SLC36A1: variants seen among roughly 807,000 people sequenced by gnomAD.
SLC36A1 encodes the protein solute carrier family 36 member 1, also known as proton-coupled amino acid transporter 1.
In SLC36A1, 30 loss-of-function variants were observed where a neutral mutation model predicts 47.5. That is an observed-to-expected ratio of 0.63 (90% confidence interval 0.47 to 0.86). SLC36A1 has a LOEUF of 0.86. SLC36A1 is among the 40% of genes least tolerant of loss of function. The pLI is 0.00. For missense variants in SLC36A1, 517 were observed against 606.0 expected (o/e 0.85, Z 1.54); for synonymous variants, 255 against 249.7 (o/e 1.02, Z -0.20).
the SLC36A1 span, among the ~76,000 whole-genome samples, chr5:151,502,584 T>G: frequency 6.8e-6 from 1 of 147,360 alleles, no homozygotes; most frequent in South Asian, 2.1e-4. Flanking sequence ...AATGCAAAAT[T>G]AAGACAACAG....
the SLC36A1 span, among the ~76,000 whole-genome samples, chr5:151,403,722 G>T: frequency 6.6e-6 from 1 of 152,212 alleles, no homozygotes; most frequent in Non-Finnish European, 1.5e-5. Context: ...CCATGGAATT[G>T]TGTGATTTTG....
At chr5:151,405,081 C>CA in the SLC36A1 span, among the ~76,000 whole-genome samples, 3 of 152,130 alleles carry the variant, frequency 2.0e-5, no homozygotes, top group Non-Finnish European at 4.4e-5. Context: ...AGGCTTTGTT[C>CA]AGTTTTTAAA....
chr5:151,552,715 T>C, the SLC36A1 span, among the ~76,000 whole-genome samples: 1 of 152,326 alleles, frequency 6.6e-6, no homozygotes, highest in South Asian at 2.1e-4. Context: ...AGAGCCCGGA[T>C]CCAAGTGCCT....
chr5:151,356,602 T>G, the SLC36A1 span, among the ~76,000 whole-genome samples: 1 of 152,086 alleles, frequency 6.6e-6, no homozygotes, highest in Non-Finnish European at 1.5e-5. Context: ...CCTGAATTTT[T>G]GCAAGAGGAA....
chr5:151,488,194 T>TGA lies in SLC36A1; in HGVS notation c.1373_1374dup (p.Leu459SerfsTer2). On this transcript the variant is annotated frameshift_variant, in exon 11 of 11. Transcript: ENST00000243389. LOFTEE classifies it high-confidence loss of function. Reference sequence around the variant, plus strand: ...TGGTGGGGACCTATGAGGCTCTCTATGAGCTGATCCAGCCAAGCAATGCTC... The same window carrying TGA: ...TGGTGGGGACCTATGAGGCTCTCTATGAGAGCTGATCCAGCCAAGCAATGCTC... 1 of 1,614,202 alleles carries TGA rather than the reference T, an allele frequency of 6.2e-7. No individual in the cohort carries two copies. Among genetic ancestry groups the TGA allele is most frequent in the Non-Finnish European group, 8.5e-7 (1 of 1,180,038 alleles).
At chr5:151,507,504 A>C in the SLC36A1 span, 1 of 1,614,170 alleles carries the variant, frequency 6.2e-7, no homozygotes, top group Non-Finnish European at 8.5e-7. Context: ...AATGAACGCC[A>C]CGGCCACTGT....
At chr5:151,538,654 C>T in the SLC36A1 span, among the ~76,000 whole-genome samples, 2 of 152,050 alleles carry the variant, frequency 1.3e-5, no homozygotes, top group African/African-American at 2.4e-5. Flanking sequence ...CCCTACATGC[C>T]CTGGATGGAA....
the SLC36A1 span, among the ~76,000 whole-genome samples, chr5:151,547,328 T>G: frequency 2.6e-5 from 4 of 152,174 alleles, no homozygotes; most frequent in Non-Finnish European, 5.9e-5. Context: ...CAACAGAGGC[T>G]TTGTTCTTCA....
At chr5:151,390,776 T>C in the SLC36A1 span, among the ~76,000 whole-genome samples, 10,928 of 152,260 alleles carry the variant, frequency 0.072, 990 homozygotes, top group African/African-American at 0.22. Context: ...ATCTCTGTTT[T>C]GCTACCAGTA....
the SLC36A1 span, among the ~76,000 whole-genome samples, chr5:151,498,984 A>G: frequency 1.3e-5 from 2 of 152,164 alleles, no homozygotes; most frequent in East Asian, 1.9e-4. Context: ...GCACTGATCA[A>G]TCAGATGAAA....
At chr5:151,369,206 A>G in the SLC36A1 span, among the ~76,000 whole-genome samples, 4 of 152,258 alleles carry the variant, frequency 2.6e-5, no homozygotes, top group Admixed American at 6.5e-5. Flanking sequence ...AATTCATTAT[A>G]GACTACAGAA....
chr5:151,353,342 A>G, the SLC36A1 span, among the ~76,000 whole-genome samples: 10 of 152,324 alleles, frequency 6.6e-5, no homozygotes, highest in Admixed American at 2.6e-4. Context: ...CATAGCATCT[A>G]AAATATGGTT....
the SLC36A1 span, among the ~76,000 whole-genome samples, chr5:151,362,932 T>C: frequency 6.6e-6 from 1 of 152,250 alleles, no homozygotes; most frequent in African/African-American, 2.4e-5. Flanking sequence ...CTAGGATCAG[T>C]CACTGGTTCC....
At chr5:151,401,173 T>G in the SLC36A1 span, among the ~76,000 whole-genome samples, 8 of 152,300 alleles carry the variant, frequency 5.3e-5, no homozygotes, top group Admixed American at 1.3e-4. Flanking sequence ...AAAGCTTTAA[T>G]CCATCTGGAG....
the SLC36A1 span, among the ~76,000 whole-genome samples, chr5:151,376,822 G>A: frequency 6.6e-6 from 1 of 152,068 alleles, no homozygotes; most frequent in Non-Finnish European, 1.5e-5. Flanking sequence ...TAGTAAAGAT[G>A]GGGTTTCATC....
the SLC36A1 span, chr5:151,521,412 G>A: frequency 6.2e-7 from 1 of 1,614,206 alleles, no homozygotes; most frequent in Non-Finnish European, 8.5e-7. Flanking sequence ...TTGGCCCCTG[G>A]CAGGGCACCA....
chr5:151,545,759 A>T, the SLC36A1 span: 1 of 1,614,158 alleles, frequency 6.2e-7, no homozygotes, highest in Non-Finnish European at 8.5e-7. Context: ...TCACTGTCAG[A>T]GGCATGAATC....
the SLC36A1 span, among the ~76,000 whole-genome samples, chr5:151,364,306 T>G: frequency 6.6e-6 from 1 of 152,232 alleles, no homozygotes; most frequent in Non-Finnish European, 1.5e-5. Context: ...CCAATATATT[T>G]ATTTTAAAAA....
At chr5:151,390,897 T>A in the SLC36A1 span, among the ~76,000 whole-genome samples, 3 of 152,046 alleles carry the variant, frequency 2.0e-5, no homozygotes, top group Non-Finnish European at 4.4e-5. Flanking sequence ...CAGGCTCTTT[T>A]TTGTTCCCAT....
Sources: gnomAD v4.1 joint callset for allele counts (sites outside exome capture counted in the v4.1 genomes callset) on GRCh38, gnomAD v4.1.1 for gene constraint, MANE v1.5 for transcripts, NCBI Gene and HGNC (gene_info 2026-07-23, HGNC 2026-07-21) for gene names.